The following ADAMTSL1 variants were observed in gnomAD, a reference collection of about 807,000 sequenced individuals.
ADAMTSL1 encodes the protein ADAMTS-like protein 1.
Under a neutral mutation model 201.8 loss-of-function variants are expected in ADAMTSL1, and 126 were observed. The ratio of observed to expected loss-of-function variants is 0.62; its 90% CI spans 0.54 to 0.72. The LOEUF (loss-of-function observed/expected upper bound fraction) is 0.72. Ranked by LOEUF, ADAMTSL1 falls within the 30% of genes least tolerant of loss-of-function variation. The pLI is 0.00. For missense variants in ADAMTSL1, 2,679 were observed against 2,277.8 expected (o/e 1.18, Z -3.59); for synonymous variants, 1,121 against 903.4 (o/e 1.24, Z -4.32).
intron 1 of ADAMTSL1, among the ~76,000 whole-genome samples, chr9:18,075,228 T>C (rs759735389): frequency 5.9e-5 from 9 of 152,326 alleles, no homozygotes; most frequent in Middle Eastern, 3.4e-3. Flanking sequence ...TCTTACTTAG[T>C]CTAATAAGAA....
chr9:17,916,629 G>A (rs565320082), intron 1 of ADAMTSL1, among the ~76,000 whole-genome samples: 3 of 152,074 alleles, frequency 2.0e-5, no homozygotes, highest in Admixed American at 6.6e-5. Context: ...CACACGCGTA[G>A]GTCTATTTTT....
intron 13 of ADAMTSL1, among the ~76,000 whole-genome samples, chr9:18,699,614 G>A (rs1831804417): frequency 6.6e-6 from 1 of 152,154 alleles, no homozygotes; most frequent in African/African-American, 2.4e-5. Flanking sequence ...ACAAGTGTGA[G>A]CCATAGTGCC....
chr9:18,229,971 A>G (rs1187169741), intron 2 of ADAMTSL1, among the ~76,000 whole-genome samples: 1 of 152,196 alleles, frequency 6.6e-6, no homozygotes, highest in Non-Finnish European at 1.5e-5. Flanking sequence ...TGCTAGGATT[A>G]CAGGTGTGTG....
At chr9:17,990,642 T>C (rs1819118373) in intron 1 of ADAMTSL1, among the ~76,000 whole-genome samples, 2 of 152,124 alleles carry the variant, frequency 1.3e-5, no homozygotes, top group African/African-American at 4.8e-5. Flanking sequence ...TATTAAGACC[T>C]GTTTTTAACA....
intron 2 of ADAMTSL1, among the ~76,000 whole-genome samples, chr9:18,181,440 GA>G (rs1828472112): frequency 1.3e-5 from 2 of 151,768 alleles, no homozygotes; most frequent in South Asian, 2.1e-4. Flanking sequence ...AAATTTACAA[GA>G]AAAAAACAAA....
At chr9:18,168,339 T>C (rs991029856) in intron 2 of ADAMTSL1, among the ~76,000 whole-genome samples, 22 of 152,146 alleles carry the variant, frequency 1.4e-4, no homozygotes, top group African/African-American at 5.3e-4. Flanking sequence ...TGAGTTCTCA[T>C]TGCTAAATTG....
intron 1 of ADAMTSL1, among the ~76,000 whole-genome samples, chr9:17,932,109 C>T (rs1588436381): frequency 6.6e-6 from 1 of 152,260 alleles, no homozygotes; most frequent in Admixed American, 6.5e-5. Context: ...GGGTCTTCCC[C>T]CCAAGTAGAG....
chr9:18,426,322 G>T (rs1418060386), intron 2 of ADAMTSL1, among the ~76,000 whole-genome samples: 1 of 152,140 alleles, frequency 6.6e-6, no homozygotes, highest in Non-Finnish European at 1.5e-5. Context: ...TCTTCACTTT[G>T]CATTCAAGTT....
chr9:18,768,796 C>A (rs1820512885), intron 16 of ADAMTSL1, among the ~76,000 whole-genome samples: 1 of 152,144 alleles, frequency 6.6e-6, no homozygotes, highest in South Asian at 2.1e-4. Flanking sequence ...GGGGTCCAAA[C>A]AACCACTGGT....
intron 1 of ADAMTSL1, among the ~76,000 whole-genome samples, chr9:18,475,918 T>C (rs1174441180): frequency 6.6e-6 from 1 of 152,192 alleles, no homozygotes; most frequent in Non-Finnish European, 1.5e-5. Context: ...GTAAACGCAT[T>C]ATATCCCTCT....
At position 18,777,600 on chromosome 9, in the gene ADAMTSL1, A is replaced by G. The variant is rs1563792741; in HGVS notation, c.3371A>G (p.Glu1124Gly). The G allele has an allele frequency of 1.9e-6, 3 of 1,613,060 alleles. No individual in the cohort carries two copies. The highest frequency in any genetic ancestry group is 2.5e-6 in the Non-Finnish European group (3 of 1,179,632). The change falls in exon 19 of 29, where the codon GAG (glutamate) becomes GGG (glycine). Residue 1124 changes from glutamate to glycine, a missense_variant. Transcript: ENST00000380548. Reference protein sequence around the residue: ...EHQDTLLKPSERRTSPVTLSP... With the variant: ...EHQDTLLKPSGRRTSPVTLSP... ...CAGGACACGCTCCTGAAGCCCTCGG[A>G]GCGCAGGACTTCCCCAGTGACTCTC...
At chr9:18,816,511 A>G (rs951501671) in intron 20 of ADAMTSL1, among the ~76,000 whole-genome samples, 1 of 152,212 alleles carries the variant, frequency 6.6e-6, no homozygotes, top group East Asian at 1.9e-4. Context: ...TGCTGGGACT[A>G]CAGGCATGAG....
intron 2 of ADAMTSL1, among the ~76,000 whole-genome samples, chr9:18,467,691 T>C (rs748755178): frequency 1.3e-5 from 2 of 152,174 alleles, no homozygotes; most frequent in Non-Finnish European, 2.9e-5. Context: ...GGAGGGACCT[T>C]CCATGCAGAA....
intron 2 of ADAMTSL1, among the ~76,000 whole-genome samples, chr9:18,382,553 T>C (rs1837601531): frequency 6.6e-6 from 1 of 152,036 alleles, no homozygotes; most frequent in Non-Finnish European, 1.5e-5. Flanking sequence ...GGAGAACCTC[T>C]ACTGGCACAT....
intron 1 of ADAMTSL1, among the ~76,000 whole-genome samples, chr9:18,118,131 G>C (rs1359364075): frequency 6.6e-6 from 1 of 152,118 alleles, no homozygotes; most frequent in East Asian, 1.9e-4. Flanking sequence ...AGTTTCATAA[G>C]TTATCTTTCT....
chr9:18,469,739 A>T (rs905705030), upstream of ADAMTSL1, among the ~76,000 whole-genome samples: 5 of 152,210 alleles, frequency 3.3e-5, no homozygotes, highest in Non-Finnish European at 7.3e-5. Flanking sequence ...GAAAAACCTC[A>T]TTGCTCTGTA....
intron 2 of ADAMTSL1, among the ~76,000 whole-genome samples, chr9:18,216,479 C>T (rs1944764): frequency 0.12 from 18,915 of 152,076 alleles, 1,334 homozygotes; most frequent in East Asian, 0.24. Flanking sequence ...AGGAGAATAA[C>T]TTAGCATAGG....
At chr9:18,562,611 T>C (rs1821594319) in intron 3 of ADAMTSL1, among the ~76,000 whole-genome samples, 1 of 152,206 alleles carries the variant, frequency 6.6e-6, no homozygotes, top group Admixed American at 6.5e-5. Context: ...GGAAGAGTGT[T>C]TTCTACTTGG....
chr9:18,254,588 C>T (rs1352162930), intron 2 of ADAMTSL1, among the ~76,000 whole-genome samples: 1 of 151,670 alleles, frequency 6.6e-6, no homozygotes, highest in Non-Finnish European at 1.5e-5. Context: ...TGGTCTCGAT[C>T]TCCTGACTTC....
Sources: allele counts gnomAD v4.1 joint callset (sites outside exome capture counted in the v4.1 genomes callset), GRCh38; gene constraint gnomAD v4.1.1; transcripts MANE v1.5; gene names NCBI Gene and HGNC (gene_info 2026-07-23, HGNC 2026-07-21).